PIP5K1B: variants seen among roughly 807,000 people sequenced by gnomAD.
The protein encoded by PIP5K1B is phosphatidylinositol-4-phosphate 5-kinase type 1 beta.
A neutral mutation model predicts 67.0 loss-of-function variants in PIP5K1B; 42 were observed. That is an observed-to-expected ratio of 0.63 (90% CI 0.49 to 0.81). The LOEUF (loss-of-function observed/expected upper bound fraction) is 0.81, where lower values mean the gene tolerates loss of function less well. PIP5K1B is among the 30% of genes least tolerant of loss of function. The probability of loss-of-function intolerance (pLI) is 0.00; values close to 1 mark genes in which losing one functional copy is unlikely to be tolerated. For missense variants in PIP5K1B, 459 were observed against 646.3 expected (o/e 0.71, Z 3.14); for synonymous variants, 214 against 231.4 (o/e 0.92, Z 0.68).
intron 1 of PIP5K1B, among the ~76,000 whole-genome samples, chr9:68,721,999 C>A (rs1827910947): frequency 6.6e-6 from 1 of 152,080 alleles, no homozygotes; most frequent in Non-Finnish European, 1.5e-5. Flanking sequence ...CCCACTGATC[C>A]CCACTCTGCC....
intron 8 of PIP5K1B, among the ~76,000 whole-genome samples, chr9:68,916,798 G>C (rs1051542695): frequency 6.6e-6 from 1 of 152,058 alleles, no homozygotes; most frequent in Admixed American, 6.6e-5. Context: ...TTTGAACCCG[G>C]GAGGCAGAGG....
chr9:68,774,895 A>C (rs1830838449), intron 2 of PIP5K1B, among the ~76,000 whole-genome samples: 1 of 151,488 alleles, frequency 6.6e-6, no homozygotes, highest in African/African-American at 2.5e-5. Context: ...AGTCTCACTC[A>C]GATAGTATCT....
intron 14 of PIP5K1B, among the ~76,000 whole-genome samples, chr9:68,953,453 G>A (rs1828200633): frequency 6.6e-6 from 1 of 151,756 alleles, no homozygotes; most frequent in South Asian, 2.1e-4. Context: ...GTTCTATACT[G>A]GAGGTTTTCC....
chr9:68,734,769 T>C (rs560544429), intron 1 of PIP5K1B, among the ~76,000 whole-genome samples: 1 of 152,354 alleles, frequency 6.6e-6, no homozygotes, highest in East Asian at 1.9e-4. Context: ...GGAGGAACTA[T>C]TCTGCAGAAC....
At chr9:68,768,510 A>G (rs1392808423) in intron 2 of PIP5K1B, among the ~76,000 whole-genome samples, 3 of 152,220 alleles carry the variant, frequency 2.0e-5, no homozygotes, top group Admixed American at 2.0e-4. Context: ...GAAGGAAGGC[A>G]TAGACTGTAA....
chr9:68,999,203 G>A (rs1358687743), intron 15 of PIP5K1B, among the ~76,000 whole-genome samples: 1 of 152,016 alleles, frequency 6.6e-6, no homozygotes, highest in East Asian at 1.9e-4. Flanking sequence ...TTTGATTTAG[G>A]GTTCACCCTA....
At position 68,830,596 on chromosome 9, in the gene PIP5K1B, A is replaced by G. The variant is rs994072130; in HGVS notation, c.69+7913A>G. Among the ~76,000 whole-genome samples the G allele has an allele frequency of 5.9e-5, 9 of 152,154 alleles. No homozygotes were observed. In the East Asian group the frequency reaches 1.7e-3, roughly 29 times the overall value. ...GTAGACTCTCTGTGTTTTGGTCCCT[A>G]ATACCAATAAACGTCACATTGCTGT... On this transcript the variant is annotated intron_variant, in intron 4 of 15. Transcript: ENST00000265382.
chr9:68,812,456 A>G (rs946379479), intron 2 of PIP5K1B, among the ~76,000 whole-genome samples: 1 of 152,250 alleles, frequency 6.6e-6, no homozygotes, highest in African/African-American at 2.4e-5. Context: ...TGTCTGGCAC[A>G]TATTATTGCT....
intron 13 of PIP5K1B, among the ~76,000 whole-genome samples, chr9:68,937,608 G>T (rs75200815): frequency 6.6e-6 from 1 of 152,058 alleles, no homozygotes; most frequent in Non-Finnish European, 1.5e-5. Flanking sequence ...ATCTCCTTCA[G>T]TTCTGCTCTG....
chr9:68,857,810 T>C (rs1822856213), intron 4 of PIP5K1B, among the ~76,000 whole-genome samples: 2 of 152,122 alleles, frequency 1.3e-5, no homozygotes, highest in African/African-American at 4.8e-5. Flanking sequence ...GAGGTTACAA[T>C]GAGCTGTGAT....
At chr9:68,812,121 C>T (rs1351236325) in intron 2 of PIP5K1B, among the ~76,000 whole-genome samples, 2 of 152,204 alleles carry the variant, frequency 1.3e-5, no homozygotes, top group African/African-American at 4.8e-5. Flanking sequence ...AAACCAGCCT[C>T]ACAGCAAGAG....
In PIP5K1B at chr9:68,977,968, T is replaced by C. The variant is rs182227212; in HGVS notation, c.1503-13172T>C. ...GGCCTATTGGCTTCTTTTTAACATT[T>C]ATTATTAATATATATCTCCTCAACT... On this transcript the variant is annotated intron_variant, in intron 14 of 15. Coordinates refer to ENST00000265382, the MANE Select transcript of PIP5K1B (RefSeq NM_003558.4). 1.9e-3 allele frequency among the ~76,000 whole-genome samples: 285 copies of C among 152,306 alleles called. 1 individual carries two copies. Among genetic ancestry groups the C allele is most frequent in the Middle Eastern group, 0.01 (3 of 294 alleles).
At chr9:68,733,432 C>T (rs1373390670) in intron 1 of PIP5K1B, among the ~76,000 whole-genome samples, 1 of 152,018 alleles carries the variant, frequency 6.6e-6, no homozygotes, top group Middle Eastern at 3.4e-3. Flanking sequence ...GAGGGCTAAC[C>T]GCAGTGCTTC....
chr9:68,822,594 G>C (rs1213631443), intron 3 of PIP5K1B, 21 bp from the exon 4 acceptor site: 1 of 1,571,194 alleles, frequency 6.4e-7, no homozygotes, highest in Non-Finnish European at 8.7e-7. Flanking sequence ...AAGTTCAAAG[G>C]GCAGTGTGTT....
chr9:68,707,844 G>C (rs1347898658), intron 1 of PIP5K1B: 2 of 152,174 alleles, frequency 1.3e-5, no homozygotes, highest in Non-Finnish European at 2.9e-5. Flanking sequence ...TTGGCCGTAT[G>C]ACCTGGGCCA....
At chr9:68,788,776 TG>T (rs1831782893) in intron 2 of PIP5K1B, 1 of 259,442 alleles carries the variant, frequency 3.9e-6, no homozygotes, top group Admixed American at 4.9e-5. Flanking sequence ...ATTGCCTGCT[TG>T]GGTCCCACCA....
At chr9:68,724,490 C>A (rs914412744) in intron 1 of PIP5K1B, among the ~76,000 whole-genome samples, 4 of 151,976 alleles carry the variant, frequency 2.6e-5, no homozygotes, top group African/African-American at 9.7e-5. Flanking sequence ...TGTGCAGATT[C>A]AATTGTTAAA....
intron 11 of PIP5K1B, among the ~76,000 whole-genome samples, chr9:68,920,784 T>TCTCTCTCTCACACATACA (rs879785029): frequency 2.1e-5 from 3 of 142,134 alleles, no homozygotes; most frequent in East Asian, 2.2e-4. Flanking sequence ...TCTCTCTCTC[T>TCTCTCTCTCACACATACA]CACACACATA....
intron 14 of PIP5K1B, among the ~76,000 whole-genome samples, chr9:68,953,387 TC>T (rs1828195803): frequency 6.6e-6 from 1 of 152,226 alleles, no homozygotes; most frequent in African/African-American, 2.4e-5. Context: ...TTGTTTCTTC[TC>T]CCTTTTTAGT....
Sources: gnomAD v4.1 joint callset for allele counts (sites outside exome capture counted in the v4.1 genomes callset) on GRCh38, gnomAD v4.1.1 for gene constraint, MANE v1.5 for transcripts, NCBI Gene and HGNC (gene_info 2026-07-23, HGNC 2026-07-21) for gene names.